LEO1: variants seen among roughly 807,000 people sequenced by gnomAD.
LEO1 encodes LEO1 component of Paf1/RNA polymerase II complex.
A neutral mutation model predicts 80.4 loss-of-function variants in LEO1; 34 were observed. The ratio of observed to expected loss-of-function variants is 0.42; its 90% CI spans 0.32 to 0.56. The LOEUF (loss-of-function observed/expected upper bound fraction) is 0.56. LEO1 is among the 20% of genes least tolerant of loss of function. LEO1 has a pLI of 0.10. For synonymous variants in LEO1, 262 were observed against 274.9 expected, an observed-to-expected ratio of 0.95 and a Z score of 0.46; for missense variants, 631 against 814.2, an observed-to-expected ratio of 0.77 and a Z score of 2.74.
At chr15:51,948,370 T>G (rs1031281620) in intron 10 of LEO1, among the ~76,000 whole-genome samples, 3 of 152,208 alleles carry the variant, frequency 2.0e-5, no homozygotes, top group African/African-American at 7.2e-5. Flanking sequence ...AAATTTTTAT[T>G]TAATTTTTGT....
rs769222658 is a variant in LEO1 at position 51,953,144 on chromosome 15, G to A, written c.1460C>T (p.Thr487Met). 9.9e-6 allele frequency: 16 copies of A among 1,611,764 alleles called. No individual in the cohort carries two copies. The highest frequency in any genetic ancestry group is 4.5e-5 in the East Asian group (2 of 44,890). The part of the protein sequence containing the change: ...TGLQGQAVFK[T>M]KLTFRPHSTD... ...TAACAGTTACCTGAAGGTGAGTTTC[G>A]TTTTAAAGACTGCTTGTCCCTGTAG... Residue 487 changes from threonine to methionine, a missense_variant, in exon 8 of 12, where the codon ACG becomes ATG. By Grantham distance (81) the Thr-to-Met change is moderately conservative. Coordinates refer to ENST00000299601, the MANE Select transcript of LEO1 (RefSeq NM_138792.4).
intron 1 of LEO1, among the ~76,000 whole-genome samples, chr15:51,971,124 T>A (rs761803687): frequency 5.9e-5 from 9 of 151,666 alleles, no homozygotes; most frequent in Non-Finnish European, 1.2e-4. Flanking sequence ...AATTCTGGAG[T>A]TTCTGCACAA....
At chr15:51,964,031 C>CTT (rs1419276626) in intron 2 of LEO1, among the ~76,000 whole-genome samples, 5 of 151,898 alleles carry the variant, frequency 3.3e-5, no homozygotes, top group African/African-American at 1.2e-4. Context: ...ACGGTGAAAC[C>CTT]CTGTCTCTAC....
intron 11 of LEO1, among the ~76,000 whole-genome samples, chr15:51,940,430 G>A (rs1457910660): frequency 1.3e-5 from 2 of 150,534 alleles, no homozygotes; most frequent in South Asian, 2.1e-4. Context: ...GCGTGATGGC[G>A]GGCACCTGTA....
At chr15:51,969,628 G>A (rs1003120774) in intron 1 of LEO1, among the ~76,000 whole-genome samples, 1 of 151,934 alleles carries the variant, frequency 6.6e-6, no homozygotes, top group African/African-American at 2.4e-5. Context: ...GATCACCTGA[G>A]GTCAGGAGTT....
chr15:51,966,988 T>C (rs958283611), intron 1 of LEO1, among the ~76,000 whole-genome samples: 8 of 151,738 alleles, frequency 5.3e-5, no homozygotes, highest in South Asian at 2.1e-4. Context: ...AACCAAAGAT[T>C]TGAGCAGGAA....
Position 51,949,892 on chromosome 15 carries a change from G to A in LEO1, c.1714C>T (p.Pro572Ser), listed in dbSNP as rs748875547. ...TCCTCCTCCTCATCGTATCGATCAG[G>A]TTCCAGGTAACTGGCGCTCAGCCCC... Reference protein sequence around the residue: ...QRGLSASYLEPDRYDEEEEGE... With the variant: ...QRGLSASYLESDRYDEEEEGE... Residue 572 changes from proline to serine, a missense_variant, in exon 10 of 12, where the codon CCT becomes TCT. Pro to Ser is a moderately conservative substitution (Grantham distance 74). Around this residue, in one of 4 missense-constraint regions of LEO1, gnomAD observed 117 missense variants for 163.5 expected, o/e 0.72. Transcript: ENST00000299601. 22 of 1,614,038 alleles carry A rather than the reference G, an allele frequency of 1.4e-5. No individual in the cohort carries two copies. The highest frequency in any genetic ancestry group is 2.2e-5 in the South Asian group (2 of 91,062).
In LEO1 at chr15:51,954,497, T is replaced by C. The variant is rs1256340945; in HGVS notation, c.1324A>G (p.Lys442Glu). ...EIKESNARIVKWSDGSMSLHL... is the reference protein window; with the variant it reads ...EIKESNARIVEWSDGSMSLHL... The stretch of plus-strand genomic sequence containing the variant: ...TGTGCTCACCTTCCATCTGACCACT[T>C]GACTATCCGAGCATTGCTTTCTTTA... The change falls in exon 7 of 12, where the codon AAG (lysine) becomes GAG (glutamate). Residue 442 changes from lysine to glutamate, a missense_variant. Lys to Glu is a moderately conservative substitution (Grantham distance 56, BLOSUM62 1). Around this residue, in one of 4 missense-constraint regions of LEO1, gnomAD observed 95 missense variants for 171.7 expected, o/e 0.55. Transcript: ENST00000299601. 2 of 1,612,730 alleles carry C rather than the reference T, an allele frequency of 1.2e-6. No individual in the cohort carries two copies. The highest frequency in any genetic ancestry group is 3.3e-5 in the Admixed American group (2 of 60,010).
intron 6 of LEO1, 198 bp from the exon 7 acceptor site, chr15:51,954,773 G>A (rs2056975630): frequency 1.8e-6 from 1 of 541,670 alleles, no homozygotes; most frequent in Non-Finnish European, 3.3e-6. Context: ...AAAAAAATAT[G>A]CTTAAGTGAA....
rs182446553 is a variant in LEO1, at chr15:51,965,917, G to C, written c.646C>G (p.Arg216Gly). The change falls in exon 2 of 12, where the codon CGG becomes GGG. Residue 216 changes from arginine to glycine, a missense_variant. By Grantham distance (125) the Arg-to-Gly change is moderately radical. This residue lies in a region of LEO1 where 394 missense variants were observed against 395.6 expected (regional missense o/e 1.00). Coordinates refer to ENST00000299601, the MANE Select transcript of LEO1 (RefSeq NM_138792.4). Reference protein sequence around the residue: ...EEEKANSDDERPVASDNDDEK... With the variant: ...EEEKANSDDEGPVASDNDDEK... Reference sequence around the variant, plus strand: ...TCATCATTATCAGAAGCTACCGGCCGTTCATCATCAGAATTAGCCTTTTCC... The same window carrying C: ...TCATCATTATCAGAAGCTACCGGCCCTTCATCATCAGAATTAGCCTTTTCC... The C allele has an allele frequency of 1.2e-6, 2 of 1,613,990 alleles. No homozygotes were observed. The highest frequency in any genetic ancestry group is 1.7e-6 in the Non-Finnish European group (2 of 1,179,978).
At chr15:51,957,660 T>C (rs1174201293) in intron 6 of LEO1, among the ~76,000 whole-genome samples, 3 of 152,210 alleles carry the variant, frequency 2.0e-5, no homozygotes, top group African/African-American at 4.8e-5. Flanking sequence ...ATTGAAGAGA[T>C]GGTACTATTA....
Position 51,966,282 on chromosome 15 carries a change from G to A in LEO1, c.281C>T (p.Ser94Phe), listed in dbSNP as rs1268515389. The A allele has an allele frequency of 3.7e-6, 6 of 1,614,084 alleles. No homozygotes were observed. In the South Asian group the frequency reaches 6.6e-5, roughly 18 times the overall value. Residue 94 changes from serine to phenylalanine, a missense_variant, in exon 2 of 12, where the codon TCT (serine) becomes TTT (phenylalanine). Ser to Phe is a radical substitution (Grantham distance 155). Around this residue, in one of 4 missense-constraint regions of LEO1, gnomAD observed 394 missense variants for 395.6 expected, o/e 1.00. Coordinates refer to ENST00000299601, the MANE Select transcript of LEO1 (RefSeq NM_138792.4). ...SDNRSEASERSDHEDNDPSDV... is the reference protein window; with the variant it reads ...SDNRSEASERFDHEDNDPSDV... ...TGAGGGGTCATTGTCCTCATGGTCA[G>A]AACGCTCAGAAGCTTCTGATCTATT...
At chr15:51,963,784 C>A (rs1283908786) in intron 2 of LEO1, among the ~76,000 whole-genome samples, 1 of 151,708 alleles carries the variant, frequency 6.6e-6, no homozygotes, top group Non-Finnish European at 1.5e-5. Flanking sequence ...CACCTTTAAT[C>A]CCAGCTACTC....
intron 7 of LEO1, among the ~76,000 whole-genome samples, chr15:51,954,159 G>A (rs1171655595): frequency 2.6e-5 from 4 of 151,244 alleles, no homozygotes; most frequent in African/African-American, 9.7e-5. Context: ...TCCTGACCTC[G>A]TGATCCACCC....
chr15:51,959,544 C>A (rs904282795), intron 5 of LEO1, among the ~76,000 whole-genome samples: 1 of 152,128 alleles, frequency 6.6e-6, no homozygotes, highest in Non-Finnish European at 1.5e-5. Context: ...AAAACCATTA[C>A]CTTTTCTAGA....
chr15:51,960,775 A>C, intron 3 of LEO1, 42 bp from the exon 4 acceptor site: 1 of 1,158,678 alleles, frequency 8.6e-7, no homozygotes, highest in Non-Finnish European at 1.3e-6. Flanking sequence ...TACTATCTGT[A>C]ACTAAGGTTC....
chr15:51,940,341 A>G (rs533089910), intron 11 of LEO1, among the ~76,000 whole-genome samples: 94 of 150,736 alleles, frequency 6.2e-4, no homozygotes, highest in Non-Finnish European at 1.0e-4. Flanking sequence ...TGGGCAGATC[A>G]CGAGGTCAGG....
rs578045157 is a variant in LEO1, at chr15:51,971,585, G to A, written c.58+103C>T. 75 of 1,210,578 alleles carry A rather than the reference G, an allele frequency of 6.2e-5. No individual in the cohort carries two copies. The African/African-American group carries it at 1.0e-3, about 16-fold the overall frequency. 75.0% of individuals were successfully genotyped at this position (1,210,578 alleles called of 1,614,324 possible). A position where few individuals can be genotyped will look rare whatever the true frequency, so the allele number is the denominator to read the frequency against. Reference sequence around the variant, plus strand: ...AGGGGGCGCTGAGGCAGGAGTGGAGGAAACGCCACCTCTTGCCCGCGGCGC... The same window carrying A: ...AGGGGGCGCTGAGGCAGGAGTGGAGAAAACGCCACCTCTTGCCCGCGGCGC... On this transcript the variant is annotated intron_variant, in intron 1 of 11. Coordinates refer to ENST00000299601, the MANE Select transcript of LEO1 (RefSeq NM_138792.4).
At chr15:51,938,907 G>A (rs1221452775) in intron 11 of LEO1, among the ~76,000 whole-genome samples, 3 of 152,156 alleles carry the variant, frequency 2.0e-5, no homozygotes, top group Non-Finnish European at 4.4e-5. Context: ...GGGATGGGCC[G>A]GGCATGATGG....
Sources: gnomAD v4.1 joint callset for allele counts (sites outside exome capture counted in the v4.1 genomes callset) on GRCh38, gnomAD v4.1.1 for gene constraint, gnomAD v4.1.1 regional missense constraint, MANE v1.5 for transcripts, NCBI Gene and HGNC (gene_info 2026-07-23, HGNC 2026-07-21) for gene names.